The following KMT2E variants were observed in gnomAD, a reference collection of about 807,000 sequenced individuals.
KMT2E encodes histone reader KMT2E.
A neutral mutation model predicts 184.6 loss-of-function variants in KMT2E; 30 were observed. The observed-to-expected ratio is 0.16, with a 90% CI of 0.12 to 0.22. KMT2E has a LOEUF of 0.22. Ranked by LOEUF, KMT2E falls within the 10% of genes least tolerant of loss-of-function variation. The pLI, the probability that KMT2E is intolerant of heterozygous loss-of-function variation, is 1.00. For missense variants in KMT2E, 2,023 were observed against 2,237.4 expected (o/e 0.90, Z 1.93); for synonymous variants, 815 against 776.5 (o/e 1.05, Z -0.82).
chr7:105,043,748 C>G (rs1035998902), intron 3 of KMT2E, among the ~76,000 whole-genome samples: 3 of 152,140 alleles, frequency 2.0e-5, no homozygotes, highest in African/African-American at 7.2e-5. Context: ...TTTAGAATTA[C>G]AACACATTTG....
intron 3 of KMT2E, among the ~76,000 whole-genome samples, chr7:105,057,702 T>C (rs1331517901): frequency 2.6e-5 from 4 of 152,092 alleles, no homozygotes; most frequent in Non-Finnish European, 5.9e-5. Flanking sequence ...ATCCTCCCTT[T>C]TGGCCCCCAA....
At chr7:105,063,671 A>T in intron 5 of KMT2E, 91 bp downstream of exon 5, 1 of 813,610 alleles carries the variant, frequency 1.2e-6, no homozygotes. Flanking sequence ...CTTTCAAGGG[A>T]ATTAATGGAT....
chr7:105,108,199 A>T (rs1255556788), intron 22 of KMT2E, among the ~76,000 whole-genome samples: 1 of 152,130 alleles, frequency 6.6e-6, no homozygotes, highest in Non-Finnish European at 1.5e-5. Flanking sequence ...AGTATTTTTT[A>T]AAACTAGGAA....
chr7:105,079,511 C>CTTTTTTTTTTTTTTTT (rs66734303), intron 12 of KMT2E, among the ~76,000 whole-genome samples: 3 of 62,330 alleles, frequency 4.8e-5, no homozygotes, highest in Admixed American at 2.3e-4. Flanking sequence ...ATTGGACTTC[C>CTTTTTTTTTTTTTTTT]TTTTTTTTTT....
Position 105,110,510 on chromosome 7 carries a change from G to A in KMT2E, c.3878G>A (p.Ser1293Asn), listed in dbSNP as rs755780691. Residue 1293 changes from serine (S) to asparagine (N), a missense_variant, in exon 25 of 27, where the codon AGT (serine) becomes AAT (asparagine). Coordinates refer to ENST00000311117, the MANE Select transcript of KMT2E (RefSeq NM_182931.3). Reference protein sequence around the residue: ...GESPCVSCSPSHVQSSPSSHS... With the variant: ...GESPCVSCSPNHVQSSPSSHS... ...TCACCATGTGTCTCATGTTCACCGAGTCATGTTCAGTCTTCACCTTCATCT... is the reference window on the plus strand; with the variant it reads ...TCACCATGTGTCTCATGTTCACCGAATCATGTTCAGTCTTCACCTTCATCT... 1.2e-6 allele frequency: 2 copies of A among 1,614,126 alleles called. No individual in the cohort carries two copies. Among genetic ancestry groups the A allele is most frequent in the South Asian group, 2.2e-5 (2 of 91,076 alleles).
intron 1 of KMT2E, among the ~76,000 whole-genome samples, chr7:105,023,074 T>C (rs1045152097): frequency 6.6e-6 from 1 of 152,210 alleles, no homozygotes; most frequent in Non-Finnish European, 1.5e-5. Context: ...TCTAGTTCCT[T>C]ATTTAGTCTT....
chr7:105,112,492 A>C lies in KMT2E; in HGVS notation c.4736A>C (p.Gln1579Pro). The C allele has an allele frequency of 6.2e-7, 1 of 1,614,022 alleles. No individual in the cohort carries two copies. The highest frequency in any genetic ancestry group is 8.5e-7 in the Non-Finnish European group (1 of 1,179,992). The change falls in exon 27 of 27, where the codon CAA becomes CCA. Residue 1579 changes from glutamine to proline, a missense_variant. Around this residue, in one of 8 missense-constraint regions of KMT2E, gnomAD observed 1,108 missense variants for 1,050.9 expected, o/e 1.05. Transcript: ENST00000311117. ...CAGCTCAAAGGTAGTCTTTCTCAACAAACTGTGTTTACATCAGGACCAAAT... is the reference window on the plus strand; with the variant it reads ...CAGCTCAAAGGTAGTCTTTCTCAACCAACTGTGTTTACATCAGGACCAAAT... ...YNQLKGSLSQ[Q>P]TVFTSGPNQA...
intron 1 of KMT2E, among the ~76,000 whole-genome samples, chr7:105,031,990 C>T (rs1036284991): frequency 2.8e-5 from 4 of 143,124 alleles, no homozygotes; most frequent in African/African-American, 1.1e-4. Context: ...GTCTCTTGAA[C>T]CCAGGAGACA....
At chr7:105,047,003 C>T (rs1287713498) in intron 3 of KMT2E, among the ~76,000 whole-genome samples, 3 of 152,146 alleles carry the variant, frequency 2.0e-5, no homozygotes, top group Admixed American at 1.3e-4. Context: ...AAAGCGAAAT[C>T]AGCAAAGGGA....
intron 1 of KMT2E, among the ~76,000 whole-genome samples, chr7:105,031,054 C>T (rs534395447): frequency 3.2e-4 from 48 of 152,070 alleles, no homozygotes; most frequent in Non-Finnish European, 4.1e-4. Flanking sequence ...GTTTTACTTG[C>T]GATTAAAGAA....
chr7:105,076,213 G>A (rs1797520838), intron 9 of KMT2E, 132 bp downstream of exon 9: 2 of 627,054 alleles, frequency 3.2e-6, no homozygotes, highest in Admixed American at 3.0e-5. Context: ...TTTACCAGGA[G>A]TGGGACCTTA....
chr7:105,055,153 C>T (rs779855082), intron 3 of KMT2E, among the ~76,000 whole-genome samples: 1 of 150,246 alleles, frequency 6.7e-6, no homozygotes, highest in Non-Finnish European at 1.5e-5. Flanking sequence ...ACATCATTAA[C>T]TTGCTTGGGA....
intron 1 of KMT2E, among the ~76,000 whole-genome samples, chr7:105,020,456 G>C (rs1236151277): frequency 6.6e-6 from 1 of 151,956 alleles, no homozygotes; most frequent in African/African-American, 2.4e-5. Flanking sequence ...TTGGTGGCGG[G>C]TGCCTGTAAT....
chr7:105,111,985 C>T lies in KMT2E; in HGVS notation c.4229C>T (p.Ala1410Val). The T allele has an allele frequency of 1.2e-6, 2 of 1,614,168 alleles. No homozygotes were observed. The highest frequency in any genetic ancestry group is 2.2e-5 in the East Asian group (1 of 44,878). Residue 1410 changes from alanine (A) to valine (V), a missense_variant, in exon 27 of 27, where the codon GCA (alanine) becomes GTA (valine). By Grantham distance (64) the Ala-to-Val change is moderately conservative (BLOSUM62 0). This residue lies in a region of KMT2E where 1,108 missense variants were observed against 1,050.9 expected (regional missense o/e 1.05). Transcript: ENST00000311117. The part of the protein sequence containing the change: ...QQKQLSNNNQ[A>V]LSKNHPPQTH... ...AAACAGCTATCAAATAACAACCAAG[C>T]ACTTTCAAAGAATCATCCTCCTCAG... is the stretch of plus-strand genomic sequence containing the variant.
intron 5 of KMT2E, chr7:105,064,167 T>G (rs1796936532): frequency 6.4e-6 from 1 of 155,520 alleles, no homozygotes; most frequent in Admixed American, 7.5e-5. Flanking sequence ...TTTCTTGGTT[T>G]TTTTTTTTTT....
Position 105,102,192 on chromosome 7 carries a change from A to G in KMT2E, c.2194A>G (p.Lys732Glu). Reference protein sequence around the residue: ...KCPTKYPKTKKHLVNEWLSEK... With the variant: ...KCPTKYPKTKEHLVNEWLSEK... ...TCCTACCAAGTACCCCAAAACAAAGAAGGTATGATTCTAATGAATGTAAGA... is the reference window on the plus strand; with the variant it reads ...TCCTACCAAGTACCCCAAAACAAAGGAGGTATGATTCTAATGAATGTAAGA... The change falls in exon 17 of 27, where the codon AAG becomes GAG. Residue 732 changes from lysine (K) to glutamate (E), a missense_variant and splice_region_variant. By Grantham distance (56) the Lys-to-Glu change is moderately conservative. Transcript: ENST00000311117. 2 of 1,596,774 alleles carry G rather than the reference A, an allele frequency of 1.3e-6. No homozygotes were observed. Among genetic ancestry groups the G allele is most frequent in the Non-Finnish European group, 1.7e-6 (2 of 1,174,218 alleles).
intron 6 of KMT2E, among the ~76,000 whole-genome samples, chr7:105,071,604 ATATATTTT>A (rs1378128182): frequency 1.5e-5 from 1 of 65,228 alleles, no homozygotes; most frequent in Non-Finnish European, 2.8e-5. Context: ...ATATATATAT[ATATATTTT>A]TTTTTTTTTT....
chr7:105,023,935 AGTT>A (rs890356314), intron 1 of KMT2E, among the ~76,000 whole-genome samples: 3 of 152,196 alleles, frequency 2.0e-5, no homozygotes, highest in Admixed American at 1.3e-4. Flanking sequence ...AGAACTTTGT[AGTT>A]AAAGAAATAT....
At position 105,113,320 on chromosome 7, in the gene KMT2E, C is replaced by T. The variant is rs2129570307; in HGVS notation, c.5564C>T (p.Ser1855Leu). 6.2e-7 allele frequency: 1 copy of T among 1,606,836 alleles called. No homozygotes were observed. Among genetic ancestry groups the T allele is most frequent in the East Asian group, 2.2e-5 (1 of 44,630 alleles). Reference sequence around the variant, plus strand: ...ACATTTCAAAACAATTACCATGGGTCAGGGTGGCATTAAAATGGACTCCAA... The same window carrying T: ...ACATTTCAAAACAATTACCATGGGTTAGGGTGGCATTAAAATGGACTCCAA... Reference protein sequence around the residue: ...PPTFQNNYHGSGWH With the variant: ...PPTFQNNYHGLGWH The change falls in exon 27 of 27, where the codon TCA (serine) becomes TTA (leucine). Residue 1855 changes from serine (S) to leucine (L), a missense_variant. By Grantham distance (145) the Ser-to-Leu change is moderately radical (BLOSUM62 -2). This residue lies in a region of KMT2E where 1,108 missense variants were observed against 1,050.9 expected (regional missense o/e 1.05). Transcript: ENST00000311117.
Sources: gnomAD v4.1 joint callset for allele counts (sites outside exome capture counted in the v4.1 genomes callset) on GRCh38, gnomAD v4.1.1 for gene constraint, gnomAD v4.1.1 regional missense constraint, MANE v1.5 for transcripts, NCBI Gene and HGNC (gene_info 2026-07-23, HGNC 2026-07-21) for gene names.